HSD17B6: variants seen among roughly 807,000 people sequenced by gnomAD.
The protein encoded by HSD17B6 is hydroxysteroid 17-beta dehydrogenase 6, also known as 17-beta-hydroxysteroid dehydrogenase type 6.
HSD17B6 carries 16 observed loss-of-function variants against 26.4 expected under a neutral mutation model. That is an observed-to-expected ratio of 0.61 (90% confidence interval 0.41 to 0.92). HSD17B6 has a LOEUF of 0.92. Among genes scored for constraint, HSD17B6 ranks in the 40% least tolerant of loss-of-function variants. The pLI, the probability that HSD17B6 is intolerant of heterozygous loss-of-function variation, is 0.00. For synonymous variants in HSD17B6, 139 were observed against 153.0 expected, an observed-to-expected ratio of 0.91 and a Z score of 0.68; for missense variants, 357 against 386.1, an observed-to-expected ratio of 0.92 and a Z score of 0.63.
chr12:56,774,538 T>G (rs1034449699), intron 2 of HSD17B6, among the ~76,000 whole-genome samples: 2 of 152,194 alleles, frequency 1.3e-5, no homozygotes, highest in Non-Finnish European at 2.9e-5. Flanking sequence ...ATGATTCAAG[T>G]GCATTGCATT....
rs1954903953 is a variant in HSD17B6 at position 56,787,436 on chromosome 12, C to A, written c.*94C>A. 3 of 783,514 alleles carry A rather than the reference C, an allele frequency of 3.8e-6. No homozygotes were observed. The highest frequency in any genetic ancestry group is 3.5e-5 in the African/African-American group (2 of 57,406). The allele number at this position is 783,514 out of a possible 1,614,324, so 48.5% of individuals were successfully genotyped here. The stretch of plus-strand genomic sequence containing the variant: ...GATTTAGAACCCAGGCTTTTTGTAA[C>A]AATGTGTTTTCTTGCCTAAATTCAT... On this transcript the variant is annotated 3_prime_UTR_variant, in exon 5 of 5. Coordinates refer to ENST00000322165, the MANE Select transcript of HSD17B6 (RefSeq NM_003725.4).
rs769963239 is a variant in HSD17B6 at position 56,787,181 on chromosome 12, A to G, written c.793A>G (p.Thr265Ala). 2.0e-5 allele frequency: 32 copies of G among 1,614,236 alleles called. No individual in the cohort carries two copies. The South Asian group carries it at 3.4e-4, about 17-fold the overall frequency. ...LNCSTNLNLV[T>A]DCMEHALTSV... ...TTGTAGCACAAACCTGAACCTGGTC[A>G]CTGACTGCATGGAACATGCTCTGAC... The change falls in exon 5 of 5, where the codon ACT (threonine) becomes GCT (alanine). Residue 265 changes from threonine (T) to alanine (A), a missense_variant. Physicochemically the swap from Thr to Ala is moderately conservative, Grantham distance 58. Transcript: ENST00000322165.
intron 1 of HSD17B6, among the ~76,000 whole-genome samples, chr12:56,771,786 A>T (rs1167153484): frequency 6.6e-6 from 1 of 151,922 alleles, no homozygotes; most frequent in African/African-American, 2.4e-5. Context: ...TATCCTTTTG[A>T]TATGGTTTGG....
At chr12:56,786,039 T>G (rs1177706679) in intron 4 of HSD17B6, 2 of 698,510 alleles carry the variant, frequency 2.9e-6, no homozygotes, top group Non-Finnish European at 3.5e-6. Flanking sequence ...TTTGGGATGA[T>G]GAAAATGTTC....
At chr12:56,780,673 ACGGTG>A (rs1954694499) in intron 2 of HSD17B6, among the ~76,000 whole-genome samples, 1 of 151,870 alleles carries the variant, frequency 6.6e-6, no homozygotes, top group African/African-American at 2.4e-5. Context: ...CCTGGCGAAC[ACGGTG>A]AAACCCCCGT....
chr12:56,769,350 C>T (rs763238671), intron 1 of HSD17B6, among the ~76,000 whole-genome samples: 3 of 152,140 alleles, frequency 2.0e-5, no homozygotes, highest in Non-Finnish European at 4.4e-5. Context: ...GATCTGCCTG[C>T]CTCAGCTTCC....
chr12:56,775,294 T>C (rs1258917886), intron 2 of HSD17B6, among the ~76,000 whole-genome samples: 7 of 152,370 alleles, frequency 4.6e-5, no homozygotes, highest in Admixed American at 4.6e-4. Flanking sequence ...CATAGCTCAC[T>C]GCAGCCTTGA....
intron 1 of HSD17B6, among the ~76,000 whole-genome samples, chr12:56,765,175 G>A (rs1257749923): frequency 3.3e-5 from 5 of 151,932 alleles, no homozygotes; most frequent in South Asian, 2.1e-4. Context: ...GGTGGCTCAC[G>A]CCTGTAATCC....
At position 56,787,123 on chromosome 12, in the gene HSD17B6, A is replaced by G; in HGVS notation, c.737-2A>G. ...GACCACCATTTCTTTTTTTGTATAC[A>G]GTTTACAATATCATGAAGGAAGGGC... On this transcript the variant is annotated splice_acceptor_variant, in intron 4 of 4. Coordinates refer to ENST00000322165, the MANE Select transcript of HSD17B6 (RefSeq NM_003725.4). LOFTEE classifies it high-confidence loss of function. 1 of 1,607,598 alleles carries G rather than the reference A, an allele frequency of 6.2e-7. No individual in the cohort carries two copies. The highest frequency in any genetic ancestry group is 8.5e-7 in the Non-Finnish European group (1 of 1,174,466).
chr12:56,767,647 AT>A (rs1251132285), intron 1 of HSD17B6, among the ~76,000 whole-genome samples: 7 of 144,368 alleles, frequency 4.8e-5, no homozygotes, highest in South Asian at 2.1e-4. Flanking sequence ...TTAATATATT[AT>A]ATATATTATA....
chr12:56,773,047 G>C (rs1045468797), intron 1 of HSD17B6, among the ~76,000 whole-genome samples: 4 of 152,238 alleles, frequency 2.6e-5, no homozygotes, highest in African/African-American at 9.6e-5. Context: ...ACTAAAAAAT[G>C]GTGGACTTTG....
Position 56,782,050 on chromosome 12 carries a change from T to C in HSD17B6, c.390T>C (p.Ser130=), listed in dbSNP as rs1462657599. The change falls in exon 3 of 5, where the codon TCT becomes TCC. Residue 130 remains serine (S), a synonymous_variant. Coordinates refer to ENST00000322165, the MANE Select transcript of HSD17B6 (RefSeq NM_003725.4). The part of the protein sequence containing the change: ...TLCEWLNTED[S]MNMLKVNLIG... ...GTGAGTGGCTGAACACTGAGGACTC[T>C]ATGAATATGCTCAAAGTGAACCTCA... The C allele has an allele frequency of 2.5e-6, 4 of 1,614,222 alleles. No homozygotes were observed. Among genetic ancestry groups the C allele is most frequent in the East Asian group, 2.2e-5 (1 of 44,874 alleles).
At position 56,781,990 on chromosome 12, in the gene HSD17B6, G is replaced by T; in HGVS notation, c.330G>T (p.Val110=). ...HVGDRGLWGL[V]NNAGILTPIT... The stretch of plus-strand genomic sequence containing the variant: ...TTGTTTTAGGACTCTGGGGACTGGT[G>T]AACAATGCAGGCATTCTTACACCAA... Residue 110 remains valine (V), a synonymous_variant, in exon 3 of 5, where the codon GTG becomes GTT. Transcript: ENST00000322165. The T allele has an allele frequency of 1.9e-6, 3 of 1,614,010 alleles. No individual in the cohort carries two copies. The highest frequency in any genetic ancestry group is 2.2e-5 in the South Asian group (2 of 90,998).
chr12:56,782,724 G>A lies in HSD17B6; in HGVS notation c.572+492G>A, dbSNP rs542929389. Among the ~76,000 whole-genome samples, 4 of 151,550 alleles carry A rather than the reference G, an allele frequency of 2.6e-5. No individual in the cohort carries two copies. In the South Asian group the frequency reaches 8.4e-4, roughly 32 times the overall value. ...TTTCTCGCAGAGGGGGATTTGGCAGGGTCATAGGACACTAGTGGGGGGAAG... is the reference window on the plus strand; with the variant it reads ...TTTCTCGCAGAGGGGGATTTGGCAGAGTCATAGGACACTAGTGGGGGGAAG... On this transcript the variant is annotated intron_variant, in intron 3 of 4. Coordinates refer to ENST00000322165, the MANE Select transcript of HSD17B6 (RefSeq NM_003725.4).
intron 1 of HSD17B6, among the ~76,000 whole-genome samples, chr12:56,766,201 C>T (rs1307726679): frequency 1.3e-5 from 2 of 152,112 alleles, no homozygotes; most frequent in Admixed American, 6.5e-5. Context: ...CCCACCCCAT[C>T]TCCCTTTGCT....
rs1427651929 is a variant in HSD17B6 at position 56,782,272 on chromosome 12, A to T, written c.572+40A>T. On this transcript the variant is annotated intron_variant, in intron 3 of 4. Coordinates refer to ENST00000322165, the MANE Select transcript of HSD17B6 (RefSeq NM_003725.4). ...AACAAAAACAGCTATTGAGCACTGA[A>T]ATATGTCTTAGGCATTGTGCTAGTT... 10 of 1,595,458 alleles carry T rather than the reference A, an allele frequency of 6.3e-6. No individual in the cohort carries two copies. In the South Asian group the frequency reaches 1.0e-4, roughly 16 times the overall value.
chr12:56,782,777 T>A (rs1340089023), intron 3 of HSD17B6, among the ~76,000 whole-genome samples: 3 of 151,372 alleles, frequency 2.0e-5, no homozygotes, highest in Non-Finnish European at 4.4e-5. Context: ...TGAACAAAGG[T>A]CTCTGGTTTT....
intron 2 of HSD17B6, among the ~76,000 whole-genome samples, chr12:56,776,871 C>T (rs1954605523): frequency 1.3e-5 from 2 of 152,170 alleles, no homozygotes; most frequent in Admixed American, 1.3e-4. Context: ...GTATGTACCA[C>T]AGTTTATCAT....
chr12:56,776,528 G>A (rs186496244), intron 2 of HSD17B6, among the ~76,000 whole-genome samples: 1 of 152,074 alleles, frequency 6.6e-6, no homozygotes, highest in East Asian at 1.9e-4. Context: ...GGCTGGTCTT[G>A]AACTCCTGGG....
Sources: allele counts gnomAD v4.1 joint callset (sites outside exome capture counted in the v4.1 genomes callset), GRCh38; gene constraint gnomAD v4.1.1; transcripts MANE v1.5; gene names NCBI Gene and HGNC (gene_info 2026-07-23, HGNC 2026-07-21).